SYMPK: variants seen among roughly 807,000 people sequenced by gnomAD.
The protein encoded by SYMPK is symplekin.
In SYMPK, 49 loss-of-function variants were observed where a neutral mutation model predicts 136.4. The ratio of observed to expected loss-of-function variants is 0.36; its 90% CI spans 0.29 to 0.46. The LOEUF (loss-of-function observed/expected upper bound fraction) is 0.46, where lower values mean the gene tolerates loss of function less well. Among genes scored for constraint, SYMPK ranks in the 20% least tolerant of loss-of-function variants. The probability of loss-of-function intolerance (pLI) is 1.00; values close to 1 mark genes in which losing one functional copy is unlikely to be tolerated. For missense variants in SYMPK, 1,365 were observed against 1,690.0 expected (o/e 0.81, Z 3.37); for synonymous variants, 766 against 713.0 (o/e 1.07, Z -1.19).
intron 5 of SYMPK, among the ~76,000 whole-genome samples, chr19:45,850,221 G>A (rs1971666633): frequency 6.6e-6 from 1 of 152,078 alleles, no homozygotes; most frequent in Non-Finnish European, 1.5e-5. Context: ...CCCCAGTCTG[G>A]CCGACAGAGT....
At chr19:45,816,653 G>T in intron 24 of SYMPK, 76 bp from the exon 25 acceptor site, 1 of 1,588,300 alleles carries the variant, frequency 6.3e-7, no homozygotes, top group Non-Finnish European at 8.5e-7. Context: ...CAGGTCCGGG[G>T]GCCCTAACCC....
At chr19:45,835,964 A>G (rs1178696814) in intron 10 of SYMPK, among the ~76,000 whole-genome samples, 2 of 151,998 alleles carry the variant, frequency 1.3e-5, no homozygotes, top group Non-Finnish European at 2.9e-5. Context: ...GGTTCAGTGA[A>G]GAGTGTTAGG....
In SYMPK at chr19:45,854,430, CTCT is replaced by C. The variant is rs747770025; in HGVS notation, c.63_65del (p.Glu23del). 8.4e-4 allele frequency: 1,351 copies of C among 1,614,182 alleles called. No individual in the cohort carries two copies. Among genetic ancestry groups the C allele is most frequent in the Non-Finnish European group, 1.0e-3 (1,210 of 1,180,038 alleles). ...TCATGCCATCGATGCCCGGCCCCTC[CTCT>C]TGAGTGAAAAACTGTGATGCCACGC... On this transcript the variant is annotated inframe_deletion, in exon 2 of 27. Transcript: ENST00000245934.
At position 45,830,081 on chromosome 19, in the gene SYMPK, C is replaced by T. The variant is rs1440253898; in HGVS notation, c.1722G>A (p.Lys574=). 2 of 1,558,814 alleles carry T rather than the reference C, an allele frequency of 1.3e-6. No individual in the cohort carries two copies. The highest frequency in any genetic ancestry group is 1.7e-6 in the Non-Finnish European group (2 of 1,150,174). Residue 574 remains lysine (K), a synonymous_variant, in exon 13 of 27, where the codon AAG becomes AAA. Transcript: ENST00000245934. ...GGGCTGCCCCGCTGCAGGCCACAGC[C>T]TTCTCAGCCCGCAGGATCCGCTTCA... ...GAVKRILRAE[K]AVACSGAAQV... is the part of the protein sequence containing the mutation.
Position 45,852,440 on chromosome 19 carries a change from T to C in SYMPK, c.225+42A>G, listed in dbSNP as rs745863937. The C allele has an allele frequency of 1.1e-5, 17 of 1,614,070 alleles. No homozygotes were observed. The Admixed American group carries it at 2.2e-4, about 21-fold the overall frequency. On this transcript the variant is annotated intron_variant, in intron 4 of 26. Coordinates refer to ENST00000245934, the MANE Select transcript of SYMPK (RefSeq NM_004819.3). ...GGCTACACAAGGATCCACATCCCCT[T>C]TCCCCTACACCACACCCCTTTCTCT...
chr19:45,823,599 G>A (rs1028850010), intron 19 of SYMPK, 127 bp from the exon 20 acceptor site: 26 of 998,272 alleles, frequency 2.6e-5, no homozygotes, highest in African/African-American at 1.1e-4. Context: ...GGCTGCTCAC[G>A]TGCAATTAGC....
At chr19:45,816,635 G>A (rs749711342) in intron 24 of SYMPK, 58 bp from the exon 25 acceptor site, 7 of 1,607,588 alleles carry the variant, frequency 4.4e-6, no homozygotes, top group Non-Finnish European at 5.9e-6. Flanking sequence ...GACCCCATTT[G>A]CACACCTCAG....
rs140350780 is a variant in SYMPK at position 45,816,960 on chromosome 19, G to A, written c.3096C>T (p.Pro1032=). 6,065 of 1,561,312 alleles carry A rather than the reference G, an allele frequency of 3.9e-3. 16 individuals carry two copies. Among genetic ancestry groups the A allele is most frequent in the Non-Finnish European group, 4.9e-3 (5,672 of 1,152,618 alleles). Residue 1032 remains proline (P), a synonymous_variant, in exon 24 of 27, where the codon CCC becomes CCT. Transcript: ENST00000245934. Reference sequence around the variant, plus strand: ...ACTTGATGAAGCCCTCCCACACCTTGGGGTACTTCCACACCTGAACCAGGG... The same window carrying A: ...ACTTGATGAAGCCCTCCCACACCTTAGGGTACTTCCACACCTGAACCAGGG... ...RLIMKQVWKY[P]KVWEGFIKCC...
At chr19:45,855,377 T>A (rs1364161083) in intron 1 of SYMPK, 4 of 152,206 alleles carry the variant, frequency 2.6e-5, no homozygotes, top group Non-Finnish European at 5.9e-5. Context: ...AATTATGGAA[T>A]GATTAACGTA....
Position 45,852,469 on chromosome 19 carries a change from G to A in SYMPK, c.225+13C>T, listed in dbSNP as rs776464011. On this transcript the variant is annotated intron_variant, in intron 4 of 26. Coordinates refer to ENST00000245934, the MANE Select transcript of SYMPK (RefSeq NM_004819.3). ...CCTACACCACACCCCTTTCTCTTCT[G>A]TCAGTCACTCACATCCAGGAAGTTG... The A allele has an allele frequency of 6.2e-7, 1 of 1,614,182 alleles. No individual in the cohort carries two copies. Among genetic ancestry groups the A allele is most frequent in the Non-Finnish European group, 8.5e-7 (1 of 1,180,028 alleles).
intron 17 of SYMPK, 54 bp from the exon 18 acceptor site, chr19:45,825,385 C>T (rs185014319): frequency 1.7e-5 from 27 of 1,577,922 alleles, no homozygotes; most frequent in Non-Finnish European, 1.8e-5. Context: ...CCAACCCCCT[C>T]GGACCCTCAG....
In SYMPK at chr19:45,815,511, T is replaced by TG; in HGVS notation, c.*48_*49insC. The stretch of plus-strand genomic sequence containing the variant: ...CACCCGCAGGTCAAGCCCCGCCCCG[T>TG]CCCCCAGCCCCGAGTCCCTGTCCCA... On this transcript the variant is annotated 3_prime_UTR_variant, in exon 27 of 27. Transcript: ENST00000245934. 3 of 1,012,796 alleles carry TG rather than the reference T, an allele frequency of 3.0e-6. No homozygotes were observed. Among genetic ancestry groups the TG allele is most frequent in the Non-Finnish European group, 2.7e-6 (2 of 736,552 alleles). 62.7% of individuals were successfully genotyped at this position (1,012,796 alleles called of 1,614,324 possible). A position where few individuals can be genotyped will look rare whatever the true frequency, so the allele number is the denominator to read the frequency against.
rs1209816266 is a variant in SYMPK at position 45,815,513 on chromosome 19, C to T, written c.*47G>A. ...CCCGCAGGTCAAGCCCCGCCCCGTCCCCCAGCCCCGAGTCCCTGTCCCACC... is the reference window on the plus strand; with the variant it reads ...CCCGCAGGTCAAGCCCCGCCCCGTCTCCCAGCCCCGAGTCCCTGTCCCACC... On this transcript the variant is annotated 3_prime_UTR_variant, in exon 27 of 27. Coordinates refer to ENST00000245934, the MANE Select transcript of SYMPK (RefSeq NM_004819.3). 2.8e-6 allele frequency: 3 copies of T among 1,075,164 alleles called. No homozygotes were observed. In the African/African-American group the frequency reaches 4.7e-5, roughly 17 times the overall value. 66.6% of individuals were successfully genotyped at this position (1,075,164 alleles called of 1,614,324 possible). A position where few individuals can be genotyped will look rare whatever the true frequency, so the allele number is the denominator to read the frequency against.
intron 3 of SYMPK, among the ~76,000 whole-genome samples, chr19:45,853,964 T>C (rs1017400312): frequency 1.3e-5 from 2 of 152,166 alleles, no homozygotes; most frequent in Non-Finnish European, 2.9e-5. Context: ...AGCCCCGGGG[T>C]CTGCTTCTTT....
chr19:45,815,471 C>A lies in SYMPK; in HGVS notation c.*89G>T. 3.4e-6 allele frequency: 4 copies of A among 1,189,358 alleles called. No homozygotes were observed. The highest frequency in any genetic ancestry group is 4.5e-6 in the Non-Finnish European group (4 of 879,720). The allele number at this position is 1,189,358 out of a possible 1,614,324, so 73.7% of individuals were successfully genotyped here. On this transcript the variant is annotated 3_prime_UTR_variant, in exon 27 of 27. Transcript: ENST00000245934. ...TTGCCCAAGTTCACATCTTTTATTT[C>A]TTTTTAAGGCAAAGCACCCGCAGGT...
intron 3 of SYMPK, 26 bp from the exon 4 acceptor site, chr19:45,852,561 G>A (rs758433525): frequency 6.2e-7 from 1 of 1,613,984 alleles, no homozygotes; most frequent in Non-Finnish European, 8.5e-7. Flanking sequence ...GGGTGGGGAG[G>A]AGGAATACCC....
intron 9 of SYMPK, among the ~76,000 whole-genome samples, chr19:45,841,203 C>T (rs1971426027): frequency 1.3e-5 from 2 of 151,990 alleles, no homozygotes; most frequent in Admixed American, 6.6e-5. Flanking sequence ...AGGCTAATTT[C>T]GAACTCCTGA....
chr19:45,816,205 C>T (rs914877072), intron 25 of SYMPK, 22 bp from the exon 26 acceptor site: 17 of 1,473,322 alleles, frequency 1.2e-5, no homozygotes, highest in African/African-American at 8.4e-5. Flanking sequence ...GAGGGCCACA[C>T]AGAAGCTCAG....
At chr19:45,825,798 C>T (rs1971030367) in intron 17 of SYMPK, among the ~76,000 whole-genome samples, 1 of 152,200 alleles carries the variant, frequency 6.6e-6, no homozygotes, top group Non-Finnish European at 1.5e-5. Flanking sequence ...GGCACCTGCT[C>T]AGCTTCTGGG....
Sources: gnomAD v4.1 joint callset for allele counts (sites outside exome capture counted in the v4.1 genomes callset) on GRCh38, gnomAD v4.1.1 for gene constraint, MANE v1.5 for transcripts, NCBI Gene and HGNC (gene_info 2026-07-23, HGNC 2026-07-21) for gene names.